Variants in LRRC7 observed in about 807,000 individuals in gnomAD.
The protein encoded by LRRC7 is leucine rich repeat containing 7, also known as leucine-rich repeat-containing protein 7.
A neutral mutation model predicts 175.7 loss-of-function variants in LRRC7; 23 were observed. That is an observed-to-expected ratio of 0.13 (90% CI 0.09 to 0.19). The LOEUF (loss-of-function observed/expected upper bound fraction) is 0.19. Ranked by LOEUF, LRRC7 falls within the 10% of genes least tolerant of loss-of-function variation. The probability of loss-of-function intolerance (pLI) is 1.00; values close to 1 mark genes in which losing one functional copy is unlikely to be tolerated. For missense variants in LRRC7, 1,354 were observed against 1,904.7 expected (o/e 0.71, Z 5.38); for synonymous variants, 685 against 680.9 (o/e 1.01, Z -0.09).
At chr1:69,591,006 G>C (rs1356635367) in intron 1 of LRRC7, among the ~76,000 whole-genome samples, 1 of 152,052 alleles carries the variant, frequency 6.6e-6, no homozygotes, top group Non-Finnish European at 1.5e-5. Context: ...AACTATAACT[G>C]TTTTTTAAAT....
rs976965753 is a variant in LRRC7, at chr1:70,126,037, C to T, written c.*4150C>T. The stretch of plus-strand genomic sequence containing the variant: ...TAGTGTGCTTGCCACCTTGTCTTTC[C>T]GTTTAGTATGTTTACTAACTGTTAA... On this transcript the variant is annotated 3_prime_UTR_variant, in exon 27 of 27. Transcript: ENST00000651989. Among the ~76,000 whole-genome samples the T allele has an allele frequency of 2.6e-5, 4 of 151,892 alleles. No individual in the cohort carries two copies. Among genetic ancestry groups the T allele is most frequent in the Admixed American group, 6.6e-5 (1 of 15,238 alleles).
At chr1:70,120,775 T>G (rs1184242256) in intron 26 of LRRC7, among the ~76,000 whole-genome samples, 1 of 152,094 alleles carries the variant, frequency 6.6e-6, no homozygotes, top group Admixed American at 6.6e-5. Context: ...ACTGCCTCTT[T>G]TCTTAATCAA....
chr1:70,032,455 A>G (rs998655012), intron 18 of LRRC7, among the ~76,000 whole-genome samples: 6 of 152,228 alleles, frequency 3.9e-5, no homozygotes, highest in South Asian at 4.1e-4. Flanking sequence ...AGCTCCAAGC[A>G]CAGTTATTGA....
intron 1 of LRRC7, among the ~76,000 whole-genome samples, chr1:69,626,101 T>C (rs1651479730): frequency 6.6e-6 from 1 of 152,218 alleles, no homozygotes; most frequent in Non-Finnish European, 1.5e-5. Flanking sequence ...ATTAGTTATG[T>C]AACATCTGAG....
intron 7 of LRRC7, among the ~76,000 whole-genome samples, chr1:69,889,282 T>A (rs997585370): frequency 6.6e-6 from 1 of 152,198 alleles, no homozygotes; most frequent in African/African-American, 2.4e-5. Flanking sequence ...ACTCTTCCTT[T>A]CATGAAAGAT....
intron 10 of LRRC7, among the ~76,000 whole-genome samples, chr1:69,990,285 G>A (rs949151335): frequency 2.6e-5 from 4 of 151,956 alleles, no homozygotes; most frequent in Non-Finnish European, 4.4e-5. Flanking sequence ...TTTCTTAGTT[G>A]GGAGTATAGG....
chr1:70,089,652 T>C (rs1663875717), intron 24 of LRRC7, 75 bp from the exon 25 acceptor site: 1 of 988,710 alleles, frequency 1.0e-6, no homozygotes, highest in African/African-American at 1.7e-5. Context: ...GAATCTTTTC[T>C]ACTGAAATAC....
At chr1:70,051,611 C>T (rs556658165) in intron 22 of LRRC7, among the ~76,000 whole-genome samples, 1 of 151,952 alleles carries the variant, frequency 6.6e-6, no homozygotes, top group African/African-American at 2.4e-5. Flanking sequence ...TAAACACACA[C>T]CAATTCATTC....
At chr1:69,745,270 A>G (rs1362293576) in intron 2 of LRRC7, among the ~76,000 whole-genome samples, 1 of 152,002 alleles carries the variant, frequency 6.6e-6, no homozygotes, top group Non-Finnish European at 1.5e-5. Flanking sequence ...ACAAATAAAG[A>G]TACAGACTTA....
intron 11 of LRRC7, 131 bp from the exon 12 acceptor site, chr1:70,011,666 G>T: frequency 1.7e-6 from 1 of 580,876 alleles, no homozygotes; most frequent in Non-Finnish European, 3.0e-6. Flanking sequence ...ATTTGAACTG[G>T]TAAATTATAT....
At chr1:69,910,757 G>A (rs1646498930) in intron 7 of LRRC7, among the ~76,000 whole-genome samples, 1 of 152,236 alleles carries the variant, frequency 6.6e-6, no homozygotes, top group Non-Finnish European at 1.5e-5. Context: ...AGTCTGCAGA[G>A]GTTACTGCTG....
chr1:69,838,888 A>C (rs1317510268), intron 7 of LRRC7, among the ~76,000 whole-genome samples: 1 of 151,906 alleles, frequency 6.6e-6, no homozygotes, highest in African/African-American at 2.4e-5. Flanking sequence ...GCTTTGTTTC[A>C]CCCAGCTTTG....
intron 25 of LRRC7, among the ~76,000 whole-genome samples, chr1:70,098,578 A>G (rs1386704169): frequency 4.6e-5 from 7 of 151,794 alleles, no homozygotes; most frequent in Non-Finnish European, 8.8e-5. Context: ...CGCTAGCAAG[A>G]CTAATAAAGA....
intron 22 of LRRC7, among the ~76,000 whole-genome samples, chr1:70,045,243 C>T (rs2102044882): frequency 6.6e-6 from 1 of 152,030 alleles, no homozygotes; most frequent in East Asian, 1.9e-4. Flanking sequence ...TACTGCAGGA[C>T]CAGTGGAGTG....
chr1:69,965,924 TA>T (rs1382691059), intron 8 of LRRC7, among the ~76,000 whole-genome samples: 1 of 152,126 alleles, frequency 6.6e-6, no homozygotes. Flanking sequence ...TTGTGAGAAC[TA>T]AAGGGCTAGT....
chr1:69,643,458 CTT>C (rs748885958), intron 1 of LRRC7, among the ~76,000 whole-genome samples: 3 of 152,146 alleles, frequency 2.0e-5, no homozygotes, highest in Admixed American at 6.6e-5. Context: ...CAAAACAACT[CTT>C]TTCTCCAAAA....
chr1:69,707,528 A>C (rs1027201258), intron 2 of LRRC7, among the ~76,000 whole-genome samples: 2 of 152,076 alleles, frequency 1.3e-5, no homozygotes, highest in African/African-American at 2.4e-5. Context: ...TTCCCTCCCA[A>C]AAAAATTATT....
intron 25 of LRRC7, among the ~76,000 whole-genome samples, chr1:70,095,619 G>T (rs547424364): frequency 6.6e-6 from 1 of 151,896 alleles, no homozygotes; most frequent in Non-Finnish European, 1.5e-5. Flanking sequence ...GAAAAATGTC[G>T]GTATCTAGAC....
chr1:69,576,701 C>T (rs978805680), intron 1 of LRRC7, among the ~76,000 whole-genome samples: 3 of 152,184 alleles, frequency 2.0e-5, no homozygotes, highest in South Asian at 4.1e-4. Context: ...CATATCAGCA[C>T]ATTAGCTATG....
Sources: gnomAD v4.1 joint callset for allele counts (sites outside exome capture counted in the v4.1 genomes callset) on GRCh38, gnomAD v4.1.1 for gene constraint, MANE v1.5 for transcripts, NCBI Gene and HGNC (gene_info 2026-07-23, HGNC 2026-07-21) for gene names.